Variants in LMO3 observed in about 807,000 individuals in gnomAD.
LMO3 encodes the protein LIM domain only protein 3.
Under a neutral mutation model 15.8 loss-of-function variants are expected in LMO3, and 2 were observed. That is an observed-to-expected ratio of 0.13 (90% CI 0.05 to 0.40). The LOEUF (loss-of-function observed/expected upper bound fraction) is 0.40, where lower values mean the gene tolerates loss of function less well. LMO3 is among the 10% of genes least tolerant of loss of function. The pLI is 0.99. For missense variants in LMO3, 86 were observed against 182.2 expected, an observed-to-expected ratio of 0.47 and a Z score of 3.04; for synonymous variants, 62 against 63.8, an observed-to-expected ratio of 0.97 and a Z score of 0.13.
Position 16,551,023 on chromosome 12 carries a change from TTAA to T in LMO3, c.*196_*198del. Reference sequence around the variant, plus strand: ...AGCCATATGTACATTACTTTTTTCTTTAATAATAAACATTCAACTCTGAACTGG... The same window carrying T: ...AGCCATATGTACATTACTTTTTTCTTTAATAAACATTCAACTCTGAACTGG... On this transcript the variant is annotated 3_prime_UTR_variant, in exon 4 of 4. Transcript: ENST00000537304. 1 of 490,356 alleles carries T rather than the reference TTAA, an allele frequency of 2.0e-6. No individual in the cohort carries two copies. Among genetic ancestry groups the T allele is most frequent in the Non-Finnish European group, 3.7e-6 (1 of 273,348 alleles). The allele number at this position is 490,356 out of a possible 1,614,324, so 30.4% of individuals were successfully genotyped here.
chr12:16,560,562 T>G lies in LMO3; in HGVS notation c.207-24A>C. On this transcript the variant is annotated intron_variant, in intron 2 of 3. Transcript: ENST00000537304. The surrounding 1 kb of genome is among the most constrained non-coding windows in gnomAD (Gnocchi z 5.0). Reference sequence around the variant, plus strand: ...GCCTAGAATAAGAAACATTTTTTTTTTTTTACAAACTCTTACAGAGAAATC... The same window carrying G: ...GCCTAGAATAAGAAACATTTTTTTTGTTTTACAAACTCTTACAGAGAAATC... The G allele has an allele frequency of 6.2e-7, 1 of 1,602,560 alleles. No homozygotes were observed. Among genetic ancestry groups the G allele is most frequent in the Non-Finnish European group, 8.5e-7 (1 of 1,175,876 alleles).
chr12:16,567,957 G>A (rs1942674740), intron 2 of LMO3, among the ~76,000 whole-genome samples: 1 of 152,140 alleles, frequency 6.6e-6, no homozygotes. Flanking sequence ...ACAACATGGT[G>A]GGGGTAATAA....
In LMO3 at chr12:16,606,159, G is replaced by C. The variant is rs1943991343; in HGVS notation, c.-102C>G. The C allele has an allele frequency of 5.4e-5, 2 of 36,888 alleles. No individual in the cohort carries two copies. The highest frequency in any genetic ancestry group is 7.5e-5 in the Non-Finnish European group (1 of 13,388). The allele number at this position is 36,888 out of a possible 1,614,324, so 2.3% of individuals were successfully genotyped here. ...TTGGGAAAGGTCAAAAAGAAGCATT[G>C]TTTGAAAAAAAAAAAAAAGACGGGG... On this transcript the variant is annotated 5_prime_UTR_variant, in exon 1 of 4. Coordinates refer to ENST00000537304, the MANE Select transcript of LMO3 (RefSeq NM_018640.5).
intron 2 of LMO3, among the ~76,000 whole-genome samples, chr12:16,595,215 C>T (rs993859351): frequency 2.0e-5 from 3 of 150,560 alleles, no homozygotes; most frequent in Non-Finnish European, 3.0e-5. Flanking sequence ...TCTGGGGGGT[C>T]GTGAAATTTC....
chr12:16,566,012 ATATATATATATATATATATATATATAT>A (rs1355472580), intron 2 of LMO3, among the ~76,000 whole-genome samples: 19 of 78,520 alleles, frequency 2.4e-4, no homozygotes, highest in Admixed American at 3.8e-4. Context: ...ATATATATAT[ATATATATATATATATATATATATATAT>A]AAAATGGAGT....
rs1292509226 is a variant in LMO3 at position 16,555,046 on chromosome 12, C to T, written c.333-3719G>A. On this transcript the variant is annotated intron_variant, in intron 3 of 3. Transcript: ENST00000537304. This position sits in a 1 kb window ranked among gnomAD's most constrained non-coding sequence, Gnocchi z 5.5. ...ATTTCCTATACTTTACTTTCCTCATCTGTCAAATGAAGCTAATAACTACCT... is the reference window on the plus strand; with the variant it reads ...ATTTCCTATACTTTACTTTCCTCATTTGTCAAATGAAGCTAATAACTACCT... Among the ~76,000 whole-genome samples the T allele has an allele frequency of 6.6e-6, 1 of 152,218 alleles. No individual in the cohort carries two copies. The highest frequency in any genetic ancestry group is 1.5e-5 in the Non-Finnish European group (1 of 68,048).
upstream of LMO3, chr12:16,608,577 C>T (rs1003778056): frequency 6.6e-6 from 1 of 152,128 alleles, no homozygotes; most frequent in Non-Finnish European, 1.5e-5. The surrounding 1 kb of genome is among the most constrained non-coding windows in gnomAD (Gnocchi z 4.1). Context: ...TCACCTTTTT[C>T]TTAAGGGACA....
Position 16,560,294 on chromosome 12 carries a change from A to C in LMO3, c.332+119T>G. 8.6e-7 allele frequency: 1 copy of C among 1,160,118 alleles called. No homozygotes were observed. Among genetic ancestry groups the C allele is most frequent in the South Asian group, 1.8e-5 (1 of 55,708 alleles). The allele number at this position is 1,160,118 out of a possible 1,614,324, so 71.9% of individuals were successfully genotyped here. On this transcript the variant is annotated intron_variant, in intron 3 of 3. Coordinates refer to ENST00000537304, the MANE Select transcript of LMO3 (RefSeq NM_018640.5). This position sits in a 1 kb window ranked among gnomAD's most constrained non-coding sequence, Gnocchi z 5.0. ...TCTGGCATGGGATTAAAGTTTACAG[A>C]ACAGAAAAACGCTGAGATTGATTGC...
At chr12:16,566,062 T>G (rs1455957148) in intron 2 of LMO3, among the ~76,000 whole-genome samples, 1 of 121,348 alleles carries the variant, frequency 8.2e-6, no homozygotes, top group Non-Finnish European at 1.7e-5. Context: ...TATTCAGCCA[T>G]AAAAAAGAAT....
At chr12:16,590,399 A>G (rs1057336402) in intron 2 of LMO3, among the ~76,000 whole-genome samples, 16 of 152,102 alleles carry the variant, frequency 1.1e-4, no homozygotes, top group African/African-American at 3.9e-4. Context: ...TGCTGGATTT[A>G]GAAACATTTA....
At chr12:16,588,195 T>C (rs1026298559) in intron 2 of LMO3, among the ~76,000 whole-genome samples, 5 of 152,020 alleles carry the variant, frequency 3.3e-5, no homozygotes, top group South Asian at 2.1e-4. Flanking sequence ...CCTTTAAACA[T>C]TGTTTTCATA....
chr12:16,562,870 C>G (rs1039652679), intron 2 of LMO3, among the ~76,000 whole-genome samples: 4 of 152,200 alleles, frequency 2.6e-5, no homozygotes, highest in African/African-American at 9.7e-5. Flanking sequence ...AGTGTACTTT[C>G]CACTACAATG....
intron 2 of LMO3, among the ~76,000 whole-genome samples, chr12:16,580,058 T>C (rs866302138): frequency 6.6e-6 from 1 of 152,208 alleles, no homozygotes; most frequent in Non-Finnish European, 1.5e-5. Flanking sequence ...AGATAACAGA[T>C]ATTATGTATT....
At chr12:16,574,586 TC>T (rs1257565384) in intron 2 of LMO3, among the ~76,000 whole-genome samples, 8 of 152,156 alleles carry the variant, frequency 5.3e-5, no homozygotes, top group Non-Finnish European at 1.0e-4. Flanking sequence ...TTAGGAACTT[TC>T]CCCCTATTTG....
rs377248498 is a variant in LMO3 at position 16,604,151 on chromosome 12, A to C, written c.-9+1915T>G. Among the ~76,000 whole-genome samples, 101 of 152,332 alleles carry C rather than the reference A, an allele frequency of 6.6e-4. 3 individuals are homozygous for C. The South Asian group carries it at 0.021, about 31-fold the overall frequency. ...ATTTTCTCTCCTCCTGCCCATCTTC[A>C]TCCTCTTCCCAGCCCCCAACCCAGG... On this transcript the variant is annotated intron_variant, in intron 1 of 3. Coordinates refer to ENST00000537304, the MANE Select transcript of LMO3 (RefSeq NM_018640.5). This position sits in a 1 kb window ranked among gnomAD's most constrained non-coding sequence, Gnocchi z 5.3.
chr12:16,571,017 AAAACTT>A (rs1942795132), intron 2 of LMO3, among the ~76,000 whole-genome samples: 1 of 152,126 alleles, frequency 6.6e-6, no homozygotes, highest in African/African-American at 2.4e-5. Flanking sequence ...CATGTACCCT[AAAACTT>A]AAAGTATAAT....
rs1024984628 is a variant in LMO3, at chr12:16,549,348, T to G, written c.*1874A>C. 1 of 152,356 alleles carries G rather than the reference T, an allele frequency of 6.6e-6. No homozygotes were observed. Among genetic ancestry groups the G allele is most frequent in the Non-Finnish European group, 1.5e-5 (1 of 68,022 alleles). The allele number at this position is 152,356 out of a possible 1,614,324, so 9.4% of individuals were successfully genotyped here. On this transcript the variant is annotated 3_prime_UTR_variant, in exon 4 of 4. Coordinates refer to ENST00000537304, the MANE Select transcript of LMO3 (RefSeq NM_018640.5). ...ATCTCAAATCTGGGGAACATGGAAC[T>G]TGAAGACTCCTAACCATGAAGCATT...
chr12:16,554,270 T>C (rs1000606781), intron 3 of LMO3, among the ~76,000 whole-genome samples: 4 of 152,180 alleles, frequency 2.6e-5, no homozygotes, highest in Non-Finnish European at 4.4e-5. Context: ...ACTGGTAACA[T>C]CCCTTTTAAG....
upstream of LMO3, chr12:16,609,304 C>G (rs566652596): frequency 2.6e-5 from 4 of 152,292 alleles, no homozygotes; most frequent in African/African-American, 7.2e-5. Flanking sequence ...CTGGCTCCCC[C>G]CAACCCCAAA....
Sources: allele counts gnomAD v4.1 joint callset (sites outside exome capture counted in the v4.1 genomes callset), GRCh38; gene constraint gnomAD v4.1.1; non-coding constraint Gnocchi (gnomAD v3.1); transcripts MANE v1.5; gene names NCBI Gene and HGNC (gene_info 2026-07-23, HGNC 2026-07-21).